The following CAMK1D variants were observed in gnomAD, a reference collection of about 807,000 sequenced individuals.
CAMK1D encodes the protein calcium/calmodulin-dependent protein kinase type 1D.
Under a neutral mutation model 47.7 loss-of-function variants are expected in CAMK1D, and 9 were observed. That is an observed-to-expected ratio of 0.19 (90% CI 0.11 to 0.33). CAMK1D has a LOEUF of 0.33. Among genes scored for constraint, CAMK1D ranks in the 10% least tolerant of loss-of-function variants. CAMK1D has a pLI of 1.00. For missense variants in CAMK1D, 291 were observed against 488.7 expected (o/e 0.60, Z 3.81); for synonymous variants, 184 against 184.9 (o/e 0.99, Z 0.04).
chr10:12,395,433 C>T (rs1466384748), intron 1 of CAMK1D, among the ~76,000 whole-genome samples: 1 of 152,040 alleles, frequency 6.6e-6, no homozygotes, highest in Non-Finnish European at 1.5e-5. Context: ...CCAGTCACCT[C>T]ATTAGCCCAC....
At chr10:12,750,819 G>A (rs1835909799) in intron 3 of CAMK1D, among the ~76,000 whole-genome samples, 1 of 152,186 alleles carries the variant, frequency 6.6e-6, no homozygotes, top group South Asian at 2.1e-4. Context: ...GGGAGTCTGA[G>A]GTGGGCAAAT....
chr10:12,408,319 G>T (rs756165822), intron 1 of CAMK1D, among the ~76,000 whole-genome samples: 2 of 151,652 alleles, frequency 1.3e-5, no homozygotes, highest in Non-Finnish European at 2.9e-5. Context: ...CCGCTACCTC[G>T]CCCGGCTAAT....
At chr10:12,715,801 G>C (rs752322934) in intron 3 of CAMK1D, among the ~76,000 whole-genome samples, 41 of 148,884 alleles carry the variant, frequency 2.8e-4, no homozygotes, top group Non-Finnish European at 5.3e-4. Flanking sequence ...GCTCATTGCA[G>C]CCTCCGCCTC....
At chr10:12,523,452 A>G (rs564837180) in intron 1 of CAMK1D, among the ~76,000 whole-genome samples, 2 of 152,342 alleles carry the variant, frequency 1.3e-5, no homozygotes, top group East Asian at 3.9e-4. Context: ...CAGCCTGGGC[A>G]CCATTGAGCA....
At chr10:12,817,594 A>G (rs573509852) in intron 8 of CAMK1D, among the ~76,000 whole-genome samples, 1 of 152,374 alleles carries the variant, frequency 6.6e-6, no homozygotes, top group Admixed American at 6.5e-5. Context: ...CCTAATTTGC[A>G]GGGCTGACAT....
rs1832741594 is a variant in CAMK1D, at chr10:12,688,445, T to C, written c.299+21635T>C. ...TAGCCTCTGGAAAAAAAGGTACATA[T>C]AGGAGAGAAAGATTTAAAGAATTAC... is the stretch of plus-strand genomic sequence containing the variant. On this transcript the variant is annotated intron_variant, in intron 3 of 10. Coordinates refer to ENST00000619168, the MANE Select transcript of CAMK1D (RefSeq NM_153498.4). Among the ~76,000 whole-genome samples the C allele has an allele frequency of 2.0e-5, 3 of 152,150 alleles. No homozygotes were observed. The South Asian group carries it at 6.2e-4, about 32-fold the overall frequency.
intron 2 of CAMK1D, among the ~76,000 whole-genome samples, chr10:12,568,077 C>CGCTCTCCCACCTTGCCTGCCT (rs1271567776): frequency 7.3e-6 from 1 of 136,426 alleles, no homozygotes; most frequent in African/African-American, 2.8e-5. Flanking sequence ...TAGGCCTGCC[C>CGCTCTCCCACCTTGCCTGCCT]GCCCTCCCAC....
At position 12,362,461 on chromosome 10, in the gene CAMK1D, T is replaced by C. The variant is rs2724802; in HGVS notation, c.92+12551T>C. ...AAATGGTGTAGTATTTGCATATAAA[T>C]TTTGCACATCCTCCCATGTACTTTT... On this transcript the variant is annotated intron_variant, in intron 1 of 10. Transcript: ENST00000619168. 2.7e-3 allele frequency among the ~76,000 whole-genome samples: 412 copies of C among 151,946 alleles called. 2 individuals carry two copies. The highest frequency in any genetic ancestry group is 9.3e-3 in the African/African-American group (385 of 41,460).
At chr10:12,486,553 G>T (rs933097435) in intron 1 of CAMK1D, among the ~76,000 whole-genome samples, 1 of 89,868 alleles carries the variant, frequency 1.1e-5, no homozygotes, top group Non-Finnish European at 2.6e-5. Context: ...ACACACACAC[G>T]TACAGACACT....
At chr10:12,677,182 CGT>C (rs1564485279) in intron 3 of CAMK1D, among the ~76,000 whole-genome samples, 1 of 152,068 alleles carries the variant, frequency 6.6e-6, no homozygotes, top group Non-Finnish European at 1.5e-5. Flanking sequence ...TGTTAGCTGT[CGT>C]GTGGATATTG....
rs372474440 is a variant in CAMK1D, at chr10:12,787,042, GA to G, written c.566-4114del. Among the ~76,000 whole-genome samples, 106 of 152,282 alleles carry G rather than the reference GA, an allele frequency of 7.0e-4. 2 individuals carry two copies. Among genetic ancestry groups the G allele is most frequent in the African/African-American group, 2.5e-3 (103 of 41,556 alleles). On this transcript the variant is annotated intron_variant, in intron 5 of 10. Coordinates refer to ENST00000619168, the MANE Select transcript of CAMK1D (RefSeq NM_153498.4). ...GGAGACTGAGGTGGGAGAATTGCTGGAACCTGGGAGGCAGAGGTTGCAGTGA... is the reference window on the plus strand; with the variant it reads ...GGAGACTGAGGTGGGAGAATTGCTGGACCTGGGAGGCAGAGGTTGCAGTGA...
intron 4 of CAMK1D, among the ~76,000 whole-genome samples, chr10:12,762,748 G>A (rs1222203136): frequency 6.6e-6 from 1 of 152,122 alleles, no homozygotes; most frequent in South Asian, 2.1e-4. Context: ...AATGGCTGTG[G>A]GCGTGGTCAG....
chr10:12,415,656 T>G (rs1017215959), intron 1 of CAMK1D, among the ~76,000 whole-genome samples: 2 of 151,960 alleles, frequency 1.3e-5, no homozygotes, highest in Non-Finnish European at 2.9e-5. Flanking sequence ...TCATGACTAT[T>G]TTTCAAGGTC....
At chr10:12,518,274 C>A (rs1331781065) in intron 1 of CAMK1D, among the ~76,000 whole-genome samples, 1 of 152,168 alleles carries the variant, frequency 6.6e-6, no homozygotes, top group African/African-American at 2.4e-5. Context: ...TACCTTTGCA[C>A]TATAATGGCA....
At chr10:12,721,529 C>CATCCATCCATCT (rs1368576915) in intron 3 of CAMK1D, among the ~76,000 whole-genome samples, 1 of 151,954 alleles carries the variant, frequency 6.6e-6, no homozygotes, top group African/African-American at 2.4e-5. Flanking sequence ...TCCATCCATC[C>CATCCATCCATCT]ATCCATCCAT....
intron 6 of CAMK1D, among the ~76,000 whole-genome samples, chr10:12,804,340 G>A (rs1347555870): frequency 3.9e-5 from 6 of 152,128 alleles, no homozygotes; most frequent in East Asian, 1.9e-4. Context: ...GAGGCCAGGC[G>A]CAGTGGCTCA....
intron 3 of CAMK1D, among the ~76,000 whole-genome samples, chr10:12,668,124 TTTCTGG>T (rs1412468594): frequency 6.6e-6 from 1 of 152,186 alleles, no homozygotes; most frequent in Non-Finnish European, 1.5e-5. Context: ...CTTTGCCGTA[TTTCTGG>T]TTTTTCCTAG....
chr10:12,512,012 G>A (rs1358031560), intron 1 of CAMK1D, among the ~76,000 whole-genome samples: 1 of 152,142 alleles, frequency 6.6e-6, no homozygotes, highest in Non-Finnish European at 1.5e-5. Flanking sequence ...ATACCTGTCT[G>A]GTGTTCCCCA....
At chr10:12,655,255 G>A (rs557557348) in intron 2 of CAMK1D, among the ~76,000 whole-genome samples, 1 of 152,192 alleles carries the variant, frequency 6.6e-6, no homozygotes, top group East Asian at 1.9e-4. Context: ...GCAGGATCGA[G>A]AGAGAGTGGG....
Sources: gnomAD v4.1 joint callset for allele counts (sites outside exome capture counted in the v4.1 genomes callset) on GRCh38, gnomAD v4.1.1 for gene constraint, MANE v1.5 for transcripts, NCBI Gene and HGNC (gene_info 2026-07-23, HGNC 2026-07-21) for gene names.